Variants in RPTOR observed in about 807,000 individuals in gnomAD.
The protein encoded by RPTOR is regulatory associated protein of MTOR complex 1, also known as regulatory-associated protein of mTOR.
RPTOR carries 21 observed loss-of-function variants against 169.9 expected under a neutral mutation model. The ratio of observed to expected loss-of-function variants is 0.12; its 90% CI spans 0.09 to 0.18. RPTOR has a LOEUF of 0.18. RPTOR is among the 10% of genes least tolerant of loss of function. RPTOR has a pLI of 1.00. For synonymous variants in RPTOR, 732 were observed against 753.2 expected, an observed-to-expected ratio of 0.97 and a Z score of 0.46; for missense variants, 1,133 against 1,855.9, an observed-to-expected ratio of 0.61 and a Z score of 7.16.
chr17:80,769,341 G>T (rs2066819027), intron 6 of RPTOR, among the ~76,000 whole-genome samples: 1 of 152,222 alleles, frequency 6.6e-6, no homozygotes, highest in African/African-American at 2.4e-5. Context: ...ATTTAAACTG[G>T]ATTCAGAAGC....
At position 80,609,757 on chromosome 17, in the gene RPTOR, A is replaced by AAG. The variant is rs1294993790; in HGVS notation, c.163-15933_163-15932dup. ...GAGATTCTGTCTCAAAAAAAAAAAA[A>AAG]AGTTTAAGGTGTTGGTTGTGTGTGT... On this transcript the variant is annotated intron_variant, in intron 1 of 33. Transcript: ENST00000306801. The surrounding 1 kb of genome is among the most constrained non-coding windows in gnomAD (Gnocchi z 4.8). 6.7e-6 allele frequency among the ~76,000 whole-genome samples: 1 copy of AAG among 149,416 alleles called. No individual in the cohort carries two copies. Among genetic ancestry groups the AAG allele is most frequent in the Non-Finnish European group, 1.5e-5 (1 of 67,410 alleles).
intron 1 of RPTOR, among the ~76,000 whole-genome samples, chr17:80,601,555 C>CTTTTTTT (rs536196387): frequency 2.2e-4 from 4 of 17,998 alleles, no homozygotes; most frequent in Non-Finnish European, 3.7e-4. Context: ...ATGGTTCAGT[C>CTTTTTTT]TTTTTTTTTT....
At chr17:80,653,022 T>C (rs1380884408) in intron 3 of RPTOR, among the ~76,000 whole-genome samples, 1 of 152,242 alleles carries the variant, frequency 6.6e-6, no homozygotes, top group African/African-American at 2.4e-5. Context: ...TTTCATGTGC[T>C]TATTGGCCAT....
rs962848815 is a variant in RPTOR, at chr17:80,633,069, A to G, written c.265+7276A>G. ...CACCTCGGCCTCTTAAAGTGTTGAA[A>G]TGACCGGCATGAGCTACCACACTAG... On this transcript the variant is annotated intron_variant, in intron 2 of 33. Coordinates refer to ENST00000306801, the MANE Select transcript of RPTOR (RefSeq NM_020761.3). The surrounding 1 kb of genome is among the most constrained non-coding windows in gnomAD (Gnocchi z 4.1). Among the ~76,000 whole-genome samples the G allele has an allele frequency of 4.6e-5, 7 of 152,184 alleles. No homozygotes were observed. The highest frequency in any genetic ancestry group is 1.4e-4 in the African/African-American group (6 of 41,442).
At chr17:80,812,320 C>T (rs1337906943) in intron 7 of RPTOR, among the ~76,000 whole-genome samples, 2 of 152,032 alleles carry the variant, frequency 1.3e-5, no homozygotes, top group Non-Finnish European at 2.9e-5. Context: ...AACATATATA[C>T]AGTTTTCCAG....
chr17:80,767,705 G>C lies in RPTOR; in HGVS notation c.830+13520G>C, dbSNP rs2066801599. On this transcript the variant is annotated intron_variant, in intron 6 of 33. Coordinates refer to ENST00000306801, the MANE Select transcript of RPTOR (RefSeq NM_020761.3). ...GACCATATTAAGTTGCTGTCCCAAGGCTCGGTGTAATTAGTAATGGTAAAA... is the reference window on the plus strand; with the variant it reads ...GACCATATTAAGTTGCTGTCCCAAGCCTCGGTGTAATTAGTAATGGTAAAA... Among the ~76,000 whole-genome samples, 3 of 152,206 alleles carry C rather than the reference G, an allele frequency of 2.0e-5. No homozygotes were observed. In the South Asian group the frequency reaches 6.2e-4, roughly 32 times the overall value.
At chr17:80,963,273 C>T (rs1358015356) in intron 33 of RPTOR, among the ~76,000 whole-genome samples, 1 of 152,038 alleles carries the variant, frequency 6.6e-6, no homozygotes, top group African/African-American at 2.4e-5. Context: ...CCCGTCACTC[C>T]GGGAGGAATT....
intron 2 of RPTOR, among the ~76,000 whole-genome samples, chr17:80,637,299 C>T (rs750826441): frequency 6.6e-6 from 1 of 152,200 alleles, no homozygotes; most frequent in Non-Finnish European, 1.5e-5. Flanking sequence ...CTAGGTCATC[C>T]GGATGAAGCC....
chr17:80,774,917 C>T (rs2066878999), intron 6 of RPTOR, among the ~76,000 whole-genome samples: 1 of 152,230 alleles, frequency 6.6e-6, no homozygotes, highest in Non-Finnish European at 1.5e-5. Context: ...AAGCTGCTTG[C>T]TTATATGCAG....
At chr17:80,954,428 G>A (rs2069222807) in intron 28 of RPTOR, among the ~76,000 whole-genome samples, 1 of 151,668 alleles carries the variant, frequency 6.6e-6, no homozygotes, top group African/African-American at 2.4e-5. Context: ...GGGCTACATT[G>A]GCTAATCTTT....
rs1386522978 is a variant in RPTOR, at chr17:80,947,950, T to C, written c.3265+599T>C. ...GGGTCCGAAATGTCTTAGTTTCATC[T>C]TCACTTTGGAACAATCGTTTGTTTC... On this transcript the variant is annotated intron_variant, in intron 27 of 33. Coordinates refer to ENST00000306801, the MANE Select transcript of RPTOR (RefSeq NM_020761.3). The surrounding 1 kb of genome is among the most constrained non-coding windows in gnomAD (Gnocchi z 4.4). Among the ~76,000 whole-genome samples, 1 of 152,260 alleles carries C rather than the reference T, an allele frequency of 6.6e-6. No individual in the cohort carries two copies. Among genetic ancestry groups the C allele is most frequent in the African/African-American group, 2.4e-5 (1 of 41,464 alleles).
At chr17:80,718,450 AAGTCT>A (rs1360065104) in intron 4 of RPTOR, among the ~76,000 whole-genome samples, 2 of 152,188 alleles carry the variant, frequency 1.3e-5, no homozygotes, top group Non-Finnish European at 2.9e-5. Context: ...TGTTGGTTAT[AAGTCT>A]AGCTTAAAGC....
Position 80,923,595 on chromosome 17 carries a change from C to G in RPTOR, c.2730C>G (p.Gly910=). 1 of 1,612,756 alleles carries G rather than the reference C, an allele frequency of 6.2e-7. No homozygotes were observed. The highest frequency in any genetic ancestry group is 8.5e-7 in the Non-Finnish European group (1 of 1,179,774). The part of the protein sequence containing the change: ...DLPSGRPGTT[G]PAGAQYTPHS... ...CTTCTGGCCGGCCGGGCACCACAGG[C>G]CCCGCTGGGGCGCAGTACACCCCTC... The change falls in exon 23 of 34, where the codon GGC becomes GGG. Residue 910 remains glycine, a synonymous_variant. Transcript: ENST00000306801.
chr17:80,645,506 G>T (rs2065588024), intron 3 of RPTOR, among the ~76,000 whole-genome samples: 1 of 152,162 alleles, frequency 6.6e-6, no homozygotes, highest in South Asian at 2.1e-4. Flanking sequence ...CAGAATACAT[G>T]TGTTTAATAT....
chr17:80,776,976 C>T (rs570198712), intron 6 of RPTOR, among the ~76,000 whole-genome samples: 4 of 152,162 alleles, frequency 2.6e-5, no homozygotes, highest in Non-Finnish European at 4.4e-5. Flanking sequence ...TGGTGGCTCA[C>T]GCCTGTAATC....
chr17:80,771,486 G>A (rs761012484), intron 6 of RPTOR, among the ~76,000 whole-genome samples: 2 of 152,178 alleles, frequency 1.3e-5, no homozygotes, highest in Non-Finnish European at 2.9e-5. Context: ...CTTCAGGACG[G>A]AAGGGGGTAC....
chr17:80,556,892 G>C (rs555190498), intron 1 of RPTOR, among the ~76,000 whole-genome samples: 28 of 152,138 alleles, frequency 1.8e-4, no homozygotes, highest in African/African-American at 6.5e-4. Flanking sequence ...TCAGGAGTTC[G>C]AGACCAGCCT....
intron 9 of RPTOR, among the ~76,000 whole-genome samples, chr17:80,826,017 CCG>C (rs2067438948): frequency 6.6e-6 from 1 of 152,156 alleles, no homozygotes; most frequent in South Asian, 2.1e-4. Context: ...CTCACCTCCG[CCG>C]GCCCTGGGGA....
intron 5 of RPTOR, among the ~76,000 whole-genome samples, chr17:80,744,223 C>T (rs71368082): frequency 0.51 from 4,902 of 9,698 alleles, 678 homozygotes; most frequent in East Asian, 0.56. Context: ...ACTGTCCTGG[C>T]TACTAGCACA....
Sources: allele counts gnomAD v4.1 joint callset (sites outside exome capture counted in the v4.1 genomes callset), GRCh38; gene constraint gnomAD v4.1.1; non-coding constraint Gnocchi (gnomAD v3.1); transcripts MANE v1.5; gene names NCBI Gene and HGNC (gene_info 2026-07-23, HGNC 2026-07-21).